MACO1: variants seen among roughly 807,000 people sequenced by gnomAD.
MACO1 encodes the protein macoilin 1.
In MACO1, 14 loss-of-function variants were observed where a neutral mutation model predicts 78.7. That is an observed-to-expected ratio of 0.18 (90% CI 0.12 to 0.28). MACO1 has a LOEUF of 0.28. Among genes scored for constraint, MACO1 ranks in the 10% least tolerant of loss-of-function variants. The probability of loss-of-function intolerance (pLI) is 1.00; values close to 1 mark genes in which losing one functional copy is unlikely to be tolerated. For missense variants in MACO1, 501 were observed against 799.0 expected, an observed-to-expected ratio of 0.63 and a Z score of 4.50; for synonymous variants, 288 against 291.6, an observed-to-expected ratio of 0.99 and a Z score of 0.12.
intron 6 of MACO1, among the ~76,000 whole-genome samples, chr1:25,473,709 A>T (rs1280893395): frequency 6.6e-6 from 1 of 152,252 alleles, no homozygotes; most frequent in East Asian, 1.9e-4. Flanking sequence ...GGTAACCCCA[A>T]GGAAAAGGAA....
At chr1:25,498,042 G>A (rs908131190) in intron 10 of MACO1, among the ~76,000 whole-genome samples, 1 of 152,212 alleles carries the variant, frequency 6.6e-6, no homozygotes, top group Admixed American at 6.5e-5. Flanking sequence ...TTTTTCCATG[G>A]CTGGGAAGAA....
At chr1:25,490,660 A>G (rs1422047089) in intron 9 of MACO1, among the ~76,000 whole-genome samples, 2 of 152,234 alleles carry the variant, frequency 1.3e-5, no homozygotes, top group African/African-American at 4.8e-5. Flanking sequence ...AACAGTCTTA[A>G]CAATGGGAGA....
chr1:25,445,440 T>C (rs2043007646), intron 1 of MACO1, among the ~76,000 whole-genome samples: 1 of 152,198 alleles, frequency 6.6e-6, no homozygotes, highest in Non-Finnish European at 1.5e-5. Context: ...ACAAATTATG[T>C]ATCACTGTGA....
chr1:25,435,781 G>GT (rs778180560), intron 1 of MACO1, among the ~76,000 whole-genome samples: 4 of 152,338 alleles, frequency 2.6e-5, no homozygotes, highest in Middle Eastern at 6.8e-3. Flanking sequence ...TGGGGAAGGA[G>GT]AAATTGAAAT....
intron 6 of MACO1, among the ~76,000 whole-genome samples, 163 bp downstream of exon 6, chr1:25,459,055 G>A (rs1447096736): frequency 1.3e-5 from 2 of 152,190 alleles, no homozygotes; most frequent in African/African-American, 2.4e-5. Context: ...TTATTGTGTT[G>A]AAGCATTGAT....
chr1:25,448,511 C>G (rs2043035952), intron 2 of MACO1, among the ~76,000 whole-genome samples: 1 of 152,162 alleles, frequency 6.6e-6, no homozygotes, highest in South Asian at 2.1e-4. Flanking sequence ...AGGTAACCCA[C>G]ATTTATTTGG....
At chr1:25,484,053 G>T in intron 6 of MACO1, 63 bp from the exon 7 acceptor site, 5 of 1,523,716 alleles carry the variant, frequency 3.3e-6, no homozygotes, top group Non-Finnish European at 4.4e-6. Context: ...CCCCCACCAG[G>T]TCCCTCCCAG....
chr1:25,454,436 ATATGTGTG>A lies in MACO1; in HGVS notation c.473+56_473+63del, dbSNP rs1221775320. 3.5e-3 allele frequency: 2,563 copies of A among 734,882 alleles called. 95 individuals are homozygous for A. In the African/African-American group the frequency reaches 0.049, roughly 14 times the overall value. The allele number at this position is 734,882 out of a possible 1,614,324, so 45.5% of individuals were successfully genotyped here. A position where few individuals can be genotyped will look rare whatever the true frequency, so the allele number is the denominator to read the frequency against. ...TGTGTGTATATGTGTGTATGTATAT[ATATGTGTG>A]TGTGTGTGTGTGTGTGTGTGTGTGT... On this transcript the variant is annotated intron_variant, in intron 4 of 10. Transcript: ENST00000374343.
chr1:25,456,731 A>C lies in MACO1; in HGVS notation c.552A>C (p.Lys184Asn). Reference protein sequence around the residue: ...VSYKMRLRKQKEVQKENEFYM... With the variant: ...VSYKMRLRKQNEVQKENEFYM... ...ACAAAATGCGGTTAAGGAAGCAAAAAGAAGTACAAAAAGAGAACGAGTTTT... is the reference window on the plus strand; with the variant it reads ...ACAAAATGCGGTTAAGGAAGCAAAACGAAGTACAAAAAGAGAACGAGTTTT... Residue 184 changes from lysine (K) to asparagine (N), a missense_variant, in exon 5 of 11, where the codon AAA becomes AAC. Around this residue, in one of 5 missense-constraint regions of MACO1, gnomAD observed 171 missense variants for 292.1 expected, o/e 0.59. Transcript: ENST00000374343. 1 of 1,614,156 alleles carries C rather than the reference A, an allele frequency of 6.2e-7. No individual in the cohort carries two copies. Among genetic ancestry groups the C allele is most frequent in the Non-Finnish European group, 8.5e-7 (1 of 1,180,010 alleles).
intron 6 of MACO1, among the ~76,000 whole-genome samples, chr1:25,479,040 T>C (rs908573748): frequency 1.3e-5 from 2 of 152,270 alleles, no homozygotes; most frequent in Admixed American, 1.3e-4. Flanking sequence ...GTGTGGCCCT[T>C]AACTCAGATA....
At chr1:25,480,499 C>G (rs2043361868) in intron 6 of MACO1, among the ~76,000 whole-genome samples, 1 of 152,024 alleles carries the variant, frequency 6.6e-6, no homozygotes, top group South Asian at 2.1e-4. Flanking sequence ...ATATACACAC[C>G]AGTGCACAAA....
intron 8 of MACO1, among the ~76,000 whole-genome samples, chr1:25,487,215 G>A (rs750624844): frequency 6.6e-6 from 1 of 151,956 alleles, no homozygotes; most frequent in Non-Finnish European, 1.5e-5. Flanking sequence ...GTGCAGTGGC[G>A]CGATCTCAGC....
chr1:25,491,779 G>A (rs1328891750), intron 10 of MACO1, among the ~76,000 whole-genome samples, 195 bp downstream of exon 10: 1 of 152,254 alleles, frequency 6.6e-6, no homozygotes, highest in African/African-American at 2.4e-5. Context: ...ATGAGAACAT[G>A]TCAAGTGCAG....
chr1:25,480,933 T>TAA (rs2043370329), intron 6 of MACO1, among the ~76,000 whole-genome samples: 1 of 31,870 alleles, frequency 3.1e-5, no homozygotes, highest in Non-Finnish European at 4.9e-5. Context: ...AAAAAAAATA[T>TAA]ATATATATAT....
intron 6 of MACO1, among the ~76,000 whole-genome samples, chr1:25,464,163 C>T (rs1221199006): frequency 1.3e-5 from 2 of 152,088 alleles, no homozygotes; most frequent in Admixed American, 6.6e-5. Flanking sequence ...CCATCCATCC[C>T]TACCCTCCCC....
intron 3 of MACO1, among the ~76,000 whole-genome samples, chr1:25,453,797 C>T (rs550026293): frequency 3.5e-4 from 53 of 152,024 alleles, no homozygotes; most frequent in African/African-American, 1.3e-3. Flanking sequence ...GAAAATGAAC[C>T]TTTGCCCATA....
chr1:25,431,140 C>A lies in MACO1; in HGVS notation c.42C>A (p.Pro14=), dbSNP rs767425764. ...CCGACTGCAGTAAGCTCCGCCGCCC[C>A]CTAAAGCGGAACCGGATCACCGAGG... ...RNADCSKLRR[P]LKRNRITEGI... is the part of the protein sequence containing the mutation. The change falls in exon 1 of 11, where the codon CCC becomes CCA. Residue 14 remains proline (P), a synonymous_variant. Transcript: ENST00000374343. 6.3e-7 allele frequency: 1 copy of A among 1,598,886 alleles called. No individual in the cohort carries two copies. The highest frequency in any genetic ancestry group is 2.3e-5 in the East Asian group (1 of 43,106).
At chr1:25,438,016 A>G (rs974933187) in intron 1 of MACO1, among the ~76,000 whole-genome samples, 28 of 150,918 alleles carry the variant, frequency 1.9e-4, no homozygotes, top group African/African-American at 5.6e-4. Flanking sequence ...AATTTAAAGG[A>G]AAAAAAAAAT....
intron 6 of MACO1, among the ~76,000 whole-genome samples, chr1:25,469,873 G>A (rs1218662131): frequency 2.0e-5 from 3 of 151,998 alleles, no homozygotes; most frequent in Non-Finnish European, 2.9e-5. Flanking sequence ...TGATCCACCC[G>A]CCTCAGCTTC....
Sources: allele counts gnomAD v4.1 joint callset (sites outside exome capture counted in the v4.1 genomes callset), GRCh38; gene constraint gnomAD v4.1.1; regional missense constraint gnomAD v4.1.1; transcripts MANE v1.5; gene names NCBI Gene and HGNC (gene_info 2026-07-23, HGNC 2026-07-21).